ZNF704: variants seen among roughly 807,000 people sequenced by gnomAD.
The protein encoded by ZNF704 is zinc finger protein 704.
Under a neutral mutation model 44.7 loss-of-function variants are expected in ZNF704, and 10 were observed. That is an observed-to-expected ratio of 0.22 (90% CI 0.14 to 0.38). The LOEUF (loss-of-function observed/expected upper bound fraction) is 0.38, where lower values mean the gene tolerates loss of function less well. Ranked by LOEUF, ZNF704 falls within the 10% of genes least tolerant of loss-of-function variation. The pLI, the probability that ZNF704 is intolerant of heterozygous loss-of-function variation, is 1.00. For missense variants in ZNF704, 390 were observed against 545.5 expected (o/e 0.71, Z 2.84); for synonymous variants, 211 against 207.6 (o/e 1.02, Z -0.14).
At chr8:80,646,517 A>C (rs976200424) in intron 7 of ZNF704, among the ~76,000 whole-genome samples, 1 of 152,104 alleles carries the variant, frequency 6.6e-6, no homozygotes. Context: ...AAAATCTAAC[A>C]TTTGGAACCA....
chr8:80,690,784 G>A (rs951014833), intron 3 of ZNF704, among the ~76,000 whole-genome samples: 20 of 152,192 alleles, frequency 1.3e-4, no homozygotes, highest in Admixed American at 4.6e-4. Context: ...CAAGGCAGGC[G>A]GATCACCTGA....
intron 7 of ZNF704, among the ~76,000 whole-genome samples, chr8:80,647,904 A>G (rs1375683037): frequency 6.6e-6 from 1 of 152,226 alleles, no homozygotes; most frequent in Admixed American, 6.5e-5. Flanking sequence ...TTGTGCTGCT[A>G]TAACAGAGTA....
At chr8:80,807,215 G>A (rs928928258) in intron 2 of ZNF704, among the ~76,000 whole-genome samples, 2 of 152,072 alleles carry the variant, frequency 1.3e-5, no homozygotes, top group African/African-American at 4.8e-5. Context: ...TCAATAACAA[G>A]CTATGGAAGC....
chr8:80,868,227 A>G (rs1382335914), intron 1 of ZNF704, among the ~76,000 whole-genome samples: 3 of 152,142 alleles, frequency 2.0e-5, no homozygotes, highest in African/African-American at 7.2e-5. Flanking sequence ...GCAGGGGAGT[A>G]GGGAGGGGTT....
intron 2 of ZNF704, among the ~76,000 whole-genome samples, chr8:80,746,997 A>G (rs73692124): frequency 0.012 from 1,821 of 152,316 alleles, 31 homozygotes; most frequent in African/African-American, 0.041. Flanking sequence ...ATCATGGTGT[A>G]GTCCTGAATC....
rs961724633 is a variant in ZNF704, at chr8:80,633,806, A to AGAT, written c.*7557_*7559dup. On this transcript the variant is annotated 3_prime_UTR_variant, in exon 9 of 9. Coordinates refer to ENST00000327835, the MANE Select transcript of ZNF704 (RefSeq NM_001033723.3). ...CCAACACCATCAGGACTCTGATGTA[A>AGAT]GATAGAGTTTAAAATAACTTAGTCC... 2.0e-5 allele frequency: 3 copies of AGAT among 152,244 alleles called. No homozygotes were observed. The highest frequency in any genetic ancestry group is 7.2e-5 in the African/African-American group (3 of 41,476). 9.4% of individuals were successfully genotyped at this position (152,244 alleles called of 1,614,324 possible). A position where few individuals can be genotyped will look rare whatever the true frequency, so the allele number is the denominator to read the frequency against.
At chr8:80,878,831 T>A (rs1283712307), upstream of ZNF704, among the ~76,000 whole-genome samples, 60 of 151,440 alleles carry the variant, frequency 4.0e-4, no homozygotes, top group Admixed American at 4.0e-3. Context: ...AGACTTAGGT[T>A]TTTTTTTTAG....
rs139286410 is a variant in ZNF704 at position 80,698,185 on chromosome 8, G to A, written c.222-5078C>T. ...AACAGTCTCTACCCTCTTCAGCTGC[G>A]GTCTATTGGAGAACTAGACCTTAAT... On this transcript the variant is annotated intron_variant, in intron 2 of 8. Transcript: ENST00000327835. Among the ~76,000 whole-genome samples, 921 of 152,264 alleles carry A rather than the reference G, an allele frequency of 6.0e-3. 7 individuals are homozygous for A. Among genetic ancestry groups the A allele is most frequent in the Non-Finnish European group, 0.01 (704 of 68,024 alleles).
chr8:80,796,989 GAGGA>G (rs749199169), intron 2 of ZNF704, among the ~76,000 whole-genome samples: 7 of 122,000 alleles, frequency 5.7e-5, no homozygotes, highest in Non-Finnish European at 1.1e-4. Flanking sequence ...GGGAGGGAGG[GAGGA>G]AGGAAGGAAG....
chr8:80,679,039 A>G lies in ZNF704; in HGVS notation c.558+8187T>C, dbSNP rs116744644. ...CTGTTGGGTAACCTCTCCAACAGCT[A>G]TATTTCCAGAGTTCTGGTAACCTTC... On this transcript the variant is annotated intron_variant, in intron 4 of 8. Transcript: ENST00000327835. Among the ~76,000 whole-genome samples, 608 of 152,250 alleles carry G rather than the reference A, an allele frequency of 4.0e-3. 5 individuals carry two copies. The highest frequency in any genetic ancestry group is 0.014 in the African/African-American group (566 of 41,536).
intron 2 of ZNF704, among the ~76,000 whole-genome samples, chr8:80,743,457 G>A (rs143957721): frequency 6.6e-5 from 10 of 152,334 alleles, no homozygotes; most frequent in African/African-American, 2.4e-4. Flanking sequence ...ATCTCCACAT[G>A]TAATGATAAA....
intron 2 of ZNF704, among the ~76,000 whole-genome samples, chr8:80,713,940 C>A (rs1819032771): frequency 6.6e-6 from 1 of 152,192 alleles, no homozygotes; most frequent in Non-Finnish European, 1.5e-5. Context: ...ACACTGCAAT[C>A]CTAAAATGAT....
At position 80,658,311 on chromosome 8, in the gene ZNF704, C is replaced by T. The variant is rs573277942; in HGVS notation, c.1032+1274G>A. 1.1e-4 allele frequency among the ~76,000 whole-genome samples: 16 copies of T among 151,944 alleles called. No homozygotes were observed. In the South Asian group the frequency reaches 3.3e-3, roughly 32 times the overall value. On this transcript the variant is annotated intron_variant, in intron 7 of 8. Transcript: ENST00000327835. ...CTCAATAATTCTGTAACTGTGGCTG[C>T]CATTTTAGGTTAATACAGAGTGGCT...
At chr8:80,798,365 C>T (rs1275775788) in intron 2 of ZNF704, among the ~76,000 whole-genome samples, 1 of 151,988 alleles carries the variant, frequency 6.6e-6, no homozygotes, top group Admixed American at 6.6e-5. Flanking sequence ...AAGTGATTCT[C>T]GTGCCTCAGC....
intron 2 of ZNF704, among the ~76,000 whole-genome samples, chr8:80,740,443 C>G (rs1001817782): frequency 3.3e-5 from 5 of 152,108 alleles, no homozygotes; most frequent in Admixed American, 2.0e-4. Context: ...ACCCAAGGCC[C>G]AACAAGGACT....
chr8:80,636,292 G>C lies in ZNF704; in HGVS notation c.*5074C>G, dbSNP rs1395019356. 1 of 152,108 alleles carries C rather than the reference G, an allele frequency of 6.6e-6. No individual in the cohort carries two copies. Among genetic ancestry groups the C allele is most frequent in the Non-Finnish European group, 1.5e-5 (1 of 68,000 alleles). The allele number at this position is 152,108 out of a possible 1,614,324, so 9.4% of individuals were successfully genotyped here. A position where few individuals can be genotyped will look rare whatever the true frequency, so the allele number is the denominator to read the frequency against. ...AAACATGAGATTGTCTTCAAAAAAA[G>C]GAACTATTTACAAAACAGGACCAGA... On this transcript the variant is annotated 3_prime_UTR_variant, in exon 9 of 9. Transcript: ENST00000327835.
intron 2 of ZNF704, among the ~76,000 whole-genome samples, chr8:80,741,446 G>C (rs1286109475): frequency 6.6e-6 from 1 of 152,198 alleles, no homozygotes; most frequent in Non-Finnish European, 1.5e-5. Flanking sequence ...CAAAGGGTTG[G>C]CCTCATTGTT....
rs73693804 is a variant in ZNF704, at chr8:80,687,126, G to C, written c.558+100C>G. 7.9e-4 allele frequency: 735 copies of C among 925,558 alleles called. 8 individuals are homozygous for C. The African/African-American group carries it at 0.011, about 14-fold the overall frequency. 57.3% of individuals were successfully genotyped at this position (925,558 alleles called of 1,614,324 possible). A position where few individuals can be genotyped will look rare whatever the true frequency, so the allele number is the denominator to read the frequency against. ...GTAAGCTGCTTCTTTCCACAGAAAG[G>C]GGGTGTAGGTCCAAGGTTAAGCTCA... On this transcript the variant is annotated intron_variant, in intron 4 of 8. Transcript: ENST00000327835.
intron 2 of ZNF704, among the ~76,000 whole-genome samples, chr8:80,718,804 G>A (rs114970852): frequency 0.022 from 3,358 of 152,240 alleles, 127 homozygotes; most frequent in African/African-American, 0.076. Context: ...GCCAACAGCT[G>A]ATACAATTTT....
Sources: gnomAD v4.1 joint callset for allele counts (sites outside exome capture counted in the v4.1 genomes callset) on GRCh38, gnomAD v4.1.1 for gene constraint, MANE v1.5 for transcripts, NCBI Gene and HGNC (gene_info 2026-07-23, HGNC 2026-07-21) for gene names.